ELOVL2: variants seen among roughly 807,000 people sequenced by gnomAD.
ELOVL2 encodes ELOVL fatty acid elongase 2.
In ELOVL2, 38 loss-of-function variants were observed where a neutral mutation model predicts 37.7. The observed-to-expected ratio is 1.01, with a 90% CI of 0.78 to 1.32. The LOEUF (loss-of-function observed/expected upper bound fraction) is 1.32. Ranked by LOEUF, ELOVL2 falls within the 40% of genes most tolerant of loss-of-function variation. The pLI, the probability that ELOVL2 is intolerant of heterozygous loss-of-function variation, is 0.00. For synonymous variants in ELOVL2, 115 were observed against 122.3 expected, an observed-to-expected ratio of 0.94 and a Z score of 0.40; for missense variants, 352 against 363.6, an observed-to-expected ratio of 0.97 and a Z score of 0.26.
chr6:10,990,431 G>A lies in ELOVL2; in HGVS notation c.517C>T (p.Pro173Ser). ...ATGTGGATAAAACTGTTCAGTGTTG[G>A]TCCAAAGAAACCTATAAAAGTACAG... ...WIPCGQSFFG[P>S]TLNSFIHILM... is the part of the protein sequence containing the mutation. The change falls in exon 6 of 8, where the codon CCA becomes TCA. Residue 173 changes from proline (P) to serine (S), a missense_variant. Physicochemically the swap from Pro to Ser is moderately conservative, Grantham distance 74 (BLOSUM62 -1). Coordinates refer to ENST00000354666, the MANE Select transcript of ELOVL2 (RefSeq NM_017770.4). 6.3e-7 allele frequency: 1 copy of A among 1,594,154 alleles called. No homozygotes were observed. Among genetic ancestry groups the A allele is most frequent in the Non-Finnish European group, 8.5e-7 (1 of 1,174,070 alleles).
chr6:11,000,580 A>G (rs1782362828), intron 3 of ELOVL2, among the ~76,000 whole-genome samples: 1 of 152,226 alleles, frequency 6.6e-6, no homozygotes. Context: ...TAATTTTTAA[A>G]AATACATATA....
chr6:11,005,534 C>T lies in ELOVL2; in HGVS notation c.93G>A (p.Met31Ile). 1 of 1,613,670 alleles carries T rather than the reference C, an allele frequency of 6.2e-7. No homozygotes were observed. The highest frequency in any genetic ancestry group is 8.5e-7 in the Non-Finnish European group (1 of 1,179,830). ...PRDSRVRGWF[M>I]LDSYLPTFFL... ...AAAAGGTAGGAAGGTAAGAGTCCAA[C>T]ATGAACCACCCTCTGACTCGAGAAT... The change falls in exon 3 of 8, where the codon ATG becomes ATA. Residue 31 changes from methionine (M) to isoleucine (I), a missense_variant. Met to Ile is a conservative substitution (Grantham distance 10). Transcript: ENST00000354666.
chr6:11,039,119 C>A (rs774938727), intron 1 of ELOVL2, among the ~76,000 whole-genome samples: 6 of 152,122 alleles, frequency 3.9e-5, no homozygotes, highest in Non-Finnish European at 8.8e-5. Flanking sequence ...CAAAGGGCAG[C>A]CAATGTAAAG....
intron 1 of ELOVL2, among the ~76,000 whole-genome samples, chr6:11,020,998 C>G (rs945005725): frequency 2.0e-5 from 3 of 152,158 alleles, no homozygotes; most frequent in African/African-American, 7.2e-5. Flanking sequence ...TGGTATCCAG[C>G]TGTATGTTAC....
At chr6:11,039,403 T>A (rs1381833608) in intron 1 of ELOVL2, among the ~76,000 whole-genome samples, 1 of 152,160 alleles carries the variant, frequency 6.6e-6, no homozygotes, top group Non-Finnish European at 1.5e-5. Flanking sequence ...TGGTGGTGAT[T>A]GTGATTATTA....
At chr6:11,011,695 C>T (rs1024132253) in intron 1 of ELOVL2, among the ~76,000 whole-genome samples, 1 of 152,172 alleles carries the variant, frequency 6.6e-6, no homozygotes, top group Non-Finnish European at 1.5e-5. Flanking sequence ...CTTTATATTA[C>T]TGTAAATAGT....
chr6:10,981,533 C>G lies in ELOVL2; in HGVS notation c.*2248G>C, dbSNP rs975377047. ...TACACATCATGAATGAAACCTCTCT[C>G]TAGTCACTGGCATTAGTTTGAAAGT... On this transcript the variant is annotated 3_prime_UTR_variant, in exon 8 of 8. Coordinates refer to ENST00000354666, the MANE Select transcript of ELOVL2 (RefSeq NM_017770.4). 1 of 152,632 alleles carries G rather than the reference C, an allele frequency of 6.6e-6. No homozygotes were observed. The highest frequency in any genetic ancestry group is 1.5e-5 in the Non-Finnish European group (1 of 68,040). The allele number at this position is 152,632 out of a possible 1,614,324, so 9.5% of individuals were successfully genotyped here. A position where few individuals can be genotyped will look rare whatever the true frequency, so the allele number is the denominator to read the frequency against.
intron 1 of ELOVL2, among the ~76,000 whole-genome samples, chr6:11,036,822 G>C (rs1354672930): frequency 6.6e-6 from 1 of 152,100 alleles, no homozygotes; most frequent in Non-Finnish European, 1.5e-5. Flanking sequence ...CAGTTGTTCA[G>C]AACTGAATTT....
intron 1 of ELOVL2, among the ~76,000 whole-genome samples, chr6:11,013,104 T>C (rs751430527): frequency 6.6e-6 from 1 of 152,198 alleles, no homozygotes; most frequent in East Asian, 1.9e-4. Context: ...ATAAAACACA[T>C]TGAGGCATGA....
intron 1 of ELOVL2, chr6:11,043,854 G>T: frequency 5.2e-6 from 1 of 192,432 alleles, no homozygotes; most frequent in Non-Finnish European, 1.1e-5. Flanking sequence ...TCGGAGGGTG[G>T]GCTGCGCGCG....
At chr6:10,992,661 C>T (rs1024757909) in intron 5 of ELOVL2, among the ~76,000 whole-genome samples, 3 of 149,556 alleles carry the variant, frequency 2.0e-5, no homozygotes, top group Admixed American at 1.3e-4. Flanking sequence ...TAGTGGCGCA[C>T]GCCTGTAATC....
intron 4 of ELOVL2, among the ~76,000 whole-genome samples, chr6:10,999,096 A>G (rs764964851): frequency 3.9e-5 from 6 of 152,246 alleles, no homozygotes; most frequent in East Asian, 1.9e-4. Context: ...CTATTAAGAT[A>G]TATCTCACTA....
intron 1 of ELOVL2, among the ~76,000 whole-genome samples, chr6:11,014,032 G>A (rs1031575861): frequency 1.3e-5 from 2 of 152,144 alleles, no homozygotes; most frequent in African/African-American, 4.8e-5. Flanking sequence ...GAAAGTCTGT[G>A]TTCAATGACT....
intron 5 of ELOVL2, among the ~76,000 whole-genome samples, chr6:10,994,087 C>T (rs1175044210): frequency 1.3e-5 from 2 of 151,358 alleles, no homozygotes; most frequent in Non-Finnish European, 2.9e-5. Flanking sequence ...GGCTTGAGCC[C>T]AGGAGGTTAA....
intron 3 of ELOVL2, among the ~76,000 whole-genome samples, chr6:11,004,633 G>A (rs1406535745): frequency 6.6e-6 from 1 of 152,038 alleles, no homozygotes; most frequent in Non-Finnish European, 1.5e-5. Context: ...AAGACATACA[G>A]AGTATTCTTT....
chr6:10,990,297 C>G, intron 6 of ELOVL2, 21 bp downstream of exon 6: 2 of 1,605,850 alleles, frequency 1.2e-6, no homozygotes, highest in Non-Finnish European at 1.7e-6. Context: ...TGGAGAAAAG[C>G]TAAAAGAAGG....
intron 1 of ELOVL2, among the ~76,000 whole-genome samples, chr6:11,028,595 T>G (rs191983253): frequency 1.0e-3 from 153 of 145,870 alleles, no homozygotes; most frequent in Non-Finnish European, 1.8e-3. Flanking sequence ...TTTATGGTAT[T>G]TTTTTTTTCA....
chr6:11,010,847 T>G (rs565946057), intron 1 of ELOVL2, 38 bp from the exon 2 acceptor site: 2 of 1,536,372 alleles, frequency 1.3e-6, no homozygotes, highest in African/African-American at 2.8e-5. Flanking sequence ...AGTGTTTTTT[T>G]CTTCTTTTTT....
At chr6:11,021,844 CCT>C (rs1782769170) in intron 1 of ELOVL2, among the ~76,000 whole-genome samples, 1 of 152,174 alleles carries the variant, frequency 6.6e-6, no homozygotes, top group Non-Finnish European at 1.5e-5. Context: ...GCTTCAGAAT[CCT>C]CTGCAAACTG....
Sources: gnomAD v4.1 joint callset for allele counts (sites outside exome capture counted in the v4.1 genomes callset) on GRCh38, gnomAD v4.1.1 for gene constraint, MANE v1.5 for transcripts, NCBI Gene and HGNC (gene_info 2026-07-23, HGNC 2026-07-21) for gene names.